ALDH7A1: variants seen among roughly 807,000 people sequenced by gnomAD.
ALDH7A1 encodes alpha-aminoadipic semialdehyde dehydrogenase.
In ALDH7A1, 63 loss-of-function variants were observed where a neutral mutation model predicts 79.9. That is an observed-to-expected ratio of 0.79 (90% CI 0.64 to 0.97). The LOEUF (loss-of-function observed/expected upper bound fraction) is 0.97, where lower values mean the gene tolerates loss of function less well. Among genes scored for constraint, ALDH7A1 ranks in the 50% least tolerant of loss-of-function variants. The probability of loss-of-function intolerance (pLI) is 0.00; values close to 1 mark genes in which losing one functional copy is unlikely to be tolerated. For missense variants in ALDH7A1, 627 were observed against 665.2 expected (o/e 0.94, Z 0.63); for synonymous variants, 240 against 231.2 (o/e 1.04, Z -0.34).
At chr5:126,566,777 C>A (rs1287084764) in intron 9 of ALDH7A1, among the ~76,000 whole-genome samples, 1 of 152,136 alleles carries the variant, frequency 6.6e-6, no homozygotes, top group Non-Finnish European at 1.5e-5. Flanking sequence ...GCCTTCTATT[C>A]CACACTCACT....
chr5:126,594,487 C>G lies in ALDH7A1; in HGVS notation c.192+520G>C, dbSNP rs568720078. The G allele has an allele frequency of 1.9e-4, 51 of 264,552 alleles. No individual in the cohort carries two copies. In the Admixed American group the frequency reaches 2.4e-3, roughly 12 times the overall value. 16.4% of individuals were successfully genotyped at this position (264,552 alleles called of 1,614,324 possible). A position where few individuals can be genotyped will look rare whatever the true frequency, so the allele number is the denominator to read the frequency against. ...GAGACGGAATTTCGCTCTTGTTGCT[C>G]AGGCTGGAGTGCAATGGCACGATCT... On this transcript the variant is annotated intron_variant, in intron 1 of 17. Transcript: ENST00000409134.
At chr5:126,580,396 C>G (rs1253797657) in intron 5 of ALDH7A1, among the ~76,000 whole-genome samples, 1 of 151,718 alleles carries the variant, frequency 6.6e-6, no homozygotes, top group African/African-American at 2.4e-5. Flanking sequence ...CACGGTGGGC[C>G]TATTAACTTT....
chr5:126,583,662 C>T (rs1003530799), intron 4 of ALDH7A1, among the ~76,000 whole-genome samples: 8 of 151,544 alleles, frequency 5.3e-5, no homozygotes, highest in Non-Finnish European at 1.2e-4. Context: ...CATGATGAAA[C>T]CCCATGTCTA....
At chr5:126,560,129 A>G (rs777077380) in intron 10 of ALDH7A1, among the ~76,000 whole-genome samples, 2 of 152,166 alleles carry the variant, frequency 1.3e-5, no homozygotes, top group Non-Finnish European at 2.9e-5. Flanking sequence ...GGCAGACACT[A>G]GTGCTCACTA....
intron 13 of ALDH7A1, among the ~76,000 whole-genome samples, chr5:126,552,434 T>C (rs1750031201): frequency 6.6e-6 from 1 of 152,074 alleles, no homozygotes; most frequent in African/African-American, 2.4e-5. Flanking sequence ...TTATTTTCAC[T>C]CAGCCTGTAG....
intron 16 of ALDH7A1, 180 bp downstream of exon 16, chr5:126,549,749 G>C (rs895628616): frequency 7.3e-5 from 50 of 680,468 alleles, no homozygotes; most frequent in Non-Finnish European, 8.0e-6. Flanking sequence ...AGGAGATGAC[G>C]CAGGACTCTA....
At chr5:126,581,986 A>C in intron 5 of ALDH7A1, 1 of 390,616 alleles carries the variant, frequency 2.6e-6, no homozygotes, top group Non-Finnish European at 4.5e-6. Context: ...TCAAAAAAAA[A>C]AAAATGTATA....
chr5:126,561,153 T>G, intron 9 of ALDH7A1, 29 bp from the exon 10 acceptor site: 1 of 1,557,466 alleles, frequency 6.4e-7, no homozygotes, highest in Non-Finnish European at 8.8e-7. Context: ...TATATAAAAA[T>G]TAATGCCTAC....
At chr5:126,565,223 T>C (rs1301637854) in intron 9 of ALDH7A1, among the ~76,000 whole-genome samples, 1 of 151,862 alleles carries the variant, frequency 6.6e-6, no homozygotes, top group Non-Finnish European at 1.5e-5. Flanking sequence ...TGAAACCCTG[T>C]CTCTACTAAA....
Position 126,595,099 on chromosome 5 carries a change from TGAG to T in ALDH7A1, c.97_99del (p.Leu33del). On this transcript the variant is annotated inframe_deletion, in exon 1 of 18. Coordinates refer to ENST00000409134, the MANE Select transcript of ALDH7A1 (RefSeq NM_001182.5). ...AGCCACGCATACTGGGGCTGATTGA[TGAG>T]GAGAGTGGACATGAAGGCGGCAGGC... is the stretch of plus-strand genomic sequence containing the variant. 1 of 1,597,108 alleles carries T rather than the reference TGAG, an allele frequency of 6.3e-7. No homozygotes were observed. The highest frequency in any genetic ancestry group is 8.5e-7 in the Non-Finnish European group (1 of 1,171,508).
At chr5:126,550,612 G>A (rs958399199) in intron 14 of ALDH7A1, among the ~76,000 whole-genome samples, 1 of 145,988 alleles carries the variant, frequency 6.8e-6, no homozygotes, top group Non-Finnish European at 1.6e-5. Context: ...CATGCATTTA[G>A]TTATTTAATC....
intron 1 of ALDH7A1, chr5:126,594,475 G>A (rs1327314120): frequency 2.1e-5 from 5 of 240,306 alleles, no homozygotes; most frequent in African/African-American, 8.9e-5. Flanking sequence ...ACGGAATTTC[G>A]CTCTTGTTGC....
At chr5:126,579,723 C>G (rs114010040) in intron 5 of ALDH7A1, among the ~76,000 whole-genome samples, 123 of 152,094 alleles carry the variant, frequency 8.1e-4, no homozygotes, top group African/African-American at 2.9e-3. Context: ...TTTGAGTGGC[C>G]AAGGCAGGAG....
intron 3 of ALDH7A1, 187 bp downstream of exon 3, chr5:126,592,477 C>T: frequency 1.6e-6 from 1 of 610,732 alleles, no homozygotes; most frequent in Non-Finnish European, 2.9e-6. Flanking sequence ...ACAAAAAAGG[C>T]ACTACCCTAG....
At chr5:126,568,873 C>A (rs941943222) in intron 8 of ALDH7A1, 1 of 165,456 alleles carries the variant, frequency 6.0e-6, no homozygotes. Flanking sequence ...GAGCTGAGGT[C>A]AAGCCACTGC....
intron 7 of ALDH7A1, among the ~76,000 whole-genome samples, chr5:126,574,039 A>AG (rs1750876180): frequency 6.6e-6 from 1 of 151,306 alleles, no homozygotes; most frequent in African/African-American, 2.4e-5. Flanking sequence ...AAAAAAAAAA[A>AG]AAAAAAAGAA....
rs1373055643 is a variant in ALDH7A1, at chr5:126,549,972, A to G, written c.1446T>C (p.Asn482=). Residue 482 remains asparagine (N), a synonymous_variant, in exon 16 of 18, where the codon AAT becomes AAC. Coordinates refer to ENST00000409134, the MANE Select transcript of ALDH7A1 (RefSeq NM_001182.5). ...GPKGSDCGIV[N]VNIPTSGAEI... ...CAGCCCCACTTGTTGGAATGTTGAC[A>G]TTTACAATGCCACAGTCTGATCCTT... 5 of 1,614,202 alleles carry G rather than the reference A, an allele frequency of 3.1e-6. No homozygotes were observed. The highest frequency in any genetic ancestry group is 4.2e-6 in the Non-Finnish European group (5 of 1,180,030).
chr5:126,586,293 T>C (rs1271822452), intron 3 of ALDH7A1: 1 of 152,246 alleles, frequency 6.6e-6, no homozygotes, highest in Non-Finnish European at 1.5e-5. Flanking sequence ...ATACATTTCC[T>C]AGCACATGGT....
Position 126,545,027 on chromosome 5 carries a change from G to GA in ALDH7A1, c.1566-9dup, listed in dbSNP as rs1396199299. The GA allele has an allele frequency of 1.1e-5, 17 of 1,599,222 alleles. No individual in the cohort carries two copies. The highest frequency in any genetic ancestry group is 1.3e-5 in the Non-Finnish European group (15 of 1,166,746). ...TTACTGTAGTTGATAGTACTAGTGG[G>GA]AAAAAATAACAGAATTAATGACAGT... On this transcript the variant is annotated splice_polypyrimidine_tract_variant and intron_variant, in intron 17 of 17. Transcript: ENST00000409134.
Sources: gnomAD v4.1 joint callset for allele counts (sites outside exome capture counted in the v4.1 genomes callset) on GRCh38, gnomAD v4.1.1 for gene constraint, MANE v1.5 for transcripts, NCBI Gene and HGNC (gene_info 2026-07-23, HGNC 2026-07-21) for gene names.